CAND1: variants seen among roughly 807,000 people sequenced by gnomAD.
CAND1 encodes the protein cullin-associated NEDD8-dissociated protein 1.
A neutral mutation model predicts 108.5 loss-of-function variants in CAND1; 7 were observed. The ratio of observed to expected loss-of-function variants is 0.06; its 90% CI spans 0.04 to 0.12. CAND1 has a LOEUF of 0.12. CAND1 is among the 10% of genes least tolerant of loss of function. The pLI, the probability that CAND1 is intolerant of heterozygous loss-of-function variation, is 1.00. For synonymous variants in CAND1, 534 were observed against 512.0 expected (o/e 1.04, Z -0.58); for missense variants, 941 against 1,448.7 (o/e 0.65, Z 5.69).
chr12:67,305,452 A>G lies in CAND1; in HGVS notation c.1784A>G (p.Gln595Arg). ...GAAAGGGCTATTTCCTGTATGGGAC[A>G]AATTATTTGCAACCTTGGAGACAAT... Reference protein sequence around the residue: ...VKERAISCMGQIICNLGDNLG... With the variant: ...VKERAISCMGRIICNLGDNLG... The change falls in exon 10 of 15, where the codon CAA (glutamine) becomes CGA (arginine). Residue 595 changes from glutamine to arginine, a missense_variant. This residue lies in a region of CAND1 where 697 missense variants were observed against 942.0 expected (regional missense o/e 0.74). Coordinates refer to ENST00000545606, the MANE Select transcript of CAND1 (RefSeq NM_018448.5). The surrounding 1 kb of genome is among the most constrained non-coding windows in gnomAD (Gnocchi z 4.4). 1 of 1,613,724 alleles carries G rather than the reference A, an allele frequency of 6.2e-7. No individual in the cohort carries two copies. Among genetic ancestry groups the G allele is most frequent in the South Asian group, 1.1e-5 (1 of 91,080 alleles).
chr12:67,307,921 T>A lies in CAND1; in HGVS notation c.3025+429T>A, dbSNP rs188709035. Among the ~76,000 whole-genome samples, 185 of 152,078 alleles carry A rather than the reference T, an allele frequency of 1.2e-3. 1 individual carries two copies. The highest frequency in any genetic ancestry group is 4.2e-3 in the African/African-American group (175 of 41,518). Reference sequence around the variant, plus strand: ...CCAAGGAGATCTATGGAGATTTCCATATTTAAGGTCAAAATAACCTAAGAA... The same window carrying A: ...CCAAGGAGATCTATGGAGATTTCCAAATTTAAGGTCAAAATAACCTAAGAA... On this transcript the variant is annotated intron_variant, in intron 11 of 14. Transcript: ENST00000545606.
chr12:67,298,204 A>G (rs554924733), intron 6 of CAND1, among the ~76,000 whole-genome samples: 6 of 152,338 alleles, frequency 3.9e-5, no homozygotes, highest in African/African-American at 9.6e-5. Context: ...TGCCTTTTCA[A>G]CAATTTCTTA....
chr12:67,275,426 C>A (rs1424706509), intron 1 of CAND1, among the ~76,000 whole-genome samples: 1 of 148,850 alleles, frequency 6.7e-6, no homozygotes, highest in Non-Finnish European at 1.5e-5. Context: ...ACTCGCGAGG[C>A]TGAGGCAGCA....
intron 1 of CAND1, among the ~76,000 whole-genome samples, chr12:67,281,315 G>A (rs1249838903): frequency 1.3e-5 from 2 of 151,744 alleles, no homozygotes; most frequent in African/African-American, 4.8e-5. Context: ...GGGCGACAGA[G>A]CAAGACTCCC....
At chr12:67,308,302 T>A (rs2044910278) in intron 11 of CAND1, among the ~76,000 whole-genome samples, 1 of 152,028 alleles carries the variant, frequency 6.6e-6, no homozygotes, top group Non-Finnish European at 1.5e-5. Context: ...GATTGCCAAT[T>A]CAGAATAAGG....
intron 3 of CAND1, 136 bp from the exon 4 acceptor site, chr12:67,294,897 A>T: frequency 1.3e-6 from 1 of 762,964 alleles, no homozygotes; most frequent in South Asian, 2.2e-5. Context: ...GTTTTGAAAG[A>T]TGTGTTTTTC....
At chr12:67,282,848 G>A (rs1460023245) in intron 2 of CAND1, among the ~76,000 whole-genome samples, 2 of 152,202 alleles carry the variant, frequency 1.3e-5, no homozygotes, top group Non-Finnish European at 2.9e-5. Flanking sequence ...GAATTATGGA[G>A]ATTCTGATTG....
Position 67,269,530 on chromosome 12 carries a change from C to G in CAND1, c.-188C>G. On this transcript the variant is annotated 5_prime_UTR_variant, in exon 1 of 15. Transcript: ENST00000545606. ...TAGCCTCGGCTTACCCCGGGACAGG[C>G]CCACGCCTCGCCAGGGAGGGGGCAG... 1.8e-6 allele frequency: 1 copy of G among 568,728 alleles called. No homozygotes were observed. The highest frequency in any genetic ancestry group is 2.1e-5 in the South Asian group (1 of 46,592). The allele number at this position is 568,728 out of a possible 1,614,324, so 35.2% of individuals were successfully genotyped here. A position where few individuals can be genotyped will look rare whatever the true frequency, so the allele number is the denominator to read the frequency against.
At position 67,299,391 on chromosome 12, in the gene CAND1, G is replaced by GA. The variant is rs534937960; in HGVS notation, c.1000+303dup. ...CCAATTTTATTTCTTTAAGTATACA[G>GA]AAAAAAATCTGTATATTTACAACTA... On this transcript the variant is annotated intron_variant, in intron 7 of 14. Transcript: ENST00000545606. Among the ~76,000 whole-genome samples, 20 of 152,102 alleles carry GA rather than the reference G, an allele frequency of 1.3e-4. No individual in the cohort carries two copies. In the South Asian group the frequency reaches 4.1e-3, roughly 32 times the overall value.
chr12:67,305,613 G>A lies in CAND1; in HGVS notation c.1945G>A (p.Gly649Arg), dbSNP rs1240060690. The A allele has an allele frequency of 6.2e-7, 1 of 1,614,084 alleles. No individual in the cohort carries two copies. Among genetic ancestry groups the A allele is most frequent in the African/African-American group, 1.3e-5 (1 of 75,008 alleles). Reference sequence around the variant, plus strand: ...GAAGATAGATTTGAGGCCTGTTCTGGGAGAAGGGGTTCCTATCCTTGCTTC... The same window carrying A: ...GAAGATAGATTTGAGGCCTGTTCTGAGAGAAGGGGTTCCTATCCTTGCTTC... ...PLKIDLRPVLGEGVPILASFL... is the reference protein window; with the variant it reads ...PLKIDLRPVLREGVPILASFL... The change falls in exon 10 of 15, where the codon GGA becomes AGA. Residue 649 changes from glycine to arginine, a missense_variant. Physicochemically the swap from Gly to Arg is moderately radical, Grantham distance 125. Transcript: ENST00000545606. This position sits in a 1 kb window ranked among gnomAD's most constrained non-coding sequence, Gnocchi z 4.4.
chr12:67,278,937 T>C (rs7969771), intron 1 of CAND1, among the ~76,000 whole-genome samples: 1 of 152,220 alleles, frequency 6.6e-6, no homozygotes, highest in African/African-American at 2.4e-5. Context: ...TAGACTGCAA[T>C]GTAAGCTCCA....
chr12:67,284,751 TACAC>T lies in CAND1; in HGVS notation c.212+2709_212+2712del, dbSNP rs1386043338. On this transcript the variant is annotated intron_variant, in intron 2 of 14. Transcript: ENST00000545606. ...AAACTTTCTTCAGCCCATGCACACA[TACAC>T]ACACACACACTTCAGCCCCCGCCCC... is the stretch of plus-strand genomic sequence containing the variant. Among the ~76,000 whole-genome samples, 12 of 150,966 alleles carry T rather than the reference TACAC, an allele frequency of 7.9e-5. No homozygotes were observed. In the East Asian group the frequency reaches 1.2e-3, roughly 15 times the overall value.
chr12:67,271,345 C>A (rs1437058718), intron 1 of CAND1, among the ~76,000 whole-genome samples: 1 of 152,060 alleles, frequency 6.6e-6, no homozygotes, highest in Non-Finnish European at 1.5e-5. Context: ...AGGTGTGTGG[C>A]GTGATTTCCT....
intron 1 of CAND1, chr12:67,270,198 T>G (rs710623): frequency 0.73 from 124,901 of 170,708 alleles, 46,793 homozygotes; most frequent in African/African-American, 0.9. Context: ...CTAGGCCGCC[T>G]TGCTCGCTGG....
intron 2 of CAND1, among the ~76,000 whole-genome samples, chr12:67,284,447 A>G (rs988898117): frequency 6.6e-6 from 1 of 152,184 alleles, no homozygotes; most frequent in Non-Finnish European, 1.5e-5. Flanking sequence ...AGAAAAAACT[A>G]TCTGGTTAGT....
chr12:67,282,389 G>A (rs924326843), intron 2 of CAND1, among the ~76,000 whole-genome samples: 3 of 151,914 alleles, frequency 2.0e-5, no homozygotes, highest in African/African-American at 7.3e-5. Context: ...GTATTCCAGT[G>A]GGGATGAAAT....
At chr12:67,282,881 G>A (rs1248041881) in intron 2 of CAND1, among the ~76,000 whole-genome samples, 1 of 152,112 alleles carries the variant, frequency 6.6e-6, no homozygotes, top group Non-Finnish European at 1.5e-5. Flanking sequence ...CATTGCAGTG[G>A]GAGCTTCTTG....
At chr12:67,288,372 C>T (rs1045093171) in intron 2 of CAND1, among the ~76,000 whole-genome samples, 2 of 152,072 alleles carry the variant, frequency 1.3e-5, no homozygotes, top group African/African-American at 4.8e-5. Context: ...AAGTAATCCA[C>T]CCACCTCCGC....
At chr12:67,292,584 T>A (rs760375085) in intron 2 of CAND1, 38 bp from the exon 3 acceptor site, 8 of 1,517,822 alleles carry the variant, frequency 5.3e-6, no homozygotes, top group Non-Finnish European at 7.1e-6. Context: ...TTTGTGCTTA[T>A]CTAGCTTTTT....
Sources: allele counts gnomAD v4.1 joint callset (sites outside exome capture counted in the v4.1 genomes callset), GRCh38; gene constraint gnomAD v4.1.1; regional missense constraint gnomAD v4.1.1; non-coding constraint Gnocchi (gnomAD v3.1); transcripts MANE v1.5; gene names NCBI Gene and HGNC (gene_info 2026-07-23, HGNC 2026-07-21).